SLC2A9: variants seen among roughly 807,000 people sequenced by gnomAD.
SLC2A9 encodes the protein solute carrier family 2 member 9.
A neutral mutation model predicts 50.6 loss-of-function variants in SLC2A9; 39 were observed. That is an observed-to-expected ratio of 0.77 (90% CI 0.60 to 1.01). The LOEUF (loss-of-function observed/expected upper bound fraction) is 1.01. SLC2A9 is among the 50% of genes least tolerant of loss of function. SLC2A9 has a pLI of 0.00. For synonymous variants in SLC2A9, 324 were observed against 276.9 expected, an observed-to-expected ratio of 1.17 and a Z score of -1.69; for missense variants, 686 against 677.6, an observed-to-expected ratio of 1.01 and a Z score of -0.14.
At chr4:10,001,786 T>A (rs1398358522) in intron 2 of SLC2A9, among the ~76,000 whole-genome samples, 3 of 152,354 alleles carry the variant, frequency 2.0e-5, no homozygotes, top group African/African-American at 7.2e-5. Flanking sequence ...TGTCCTCTAT[T>A]GGACATTTAT....
chr4:9,833,579 T>C (rs1464670224), intron 11 of SLC2A9, among the ~76,000 whole-genome samples: 2 of 152,162 alleles, frequency 1.3e-5, no homozygotes, highest in Non-Finnish European at 2.9e-5. Context: ...ACAGAGCAAC[T>C]GCTCCGTAAC....
intron 3 of SLC2A9, chr4:9,783,811 TTG>T: frequency 4.4e-6 from 1 of 229,112 alleles, no homozygotes; most frequent in East Asian, 1.1e-4. Context: ...AGTCACTTGT[TTG>T]TGTTTGAATT....
chr4:10,039,202 T>C (rs372781573), intron 1 of SLC2A9, among the ~76,000 whole-genome samples: 1 of 152,244 alleles, frequency 6.6e-6, no homozygotes. Flanking sequence ...AGAACTGCCT[T>C]ACTCAGAACT....
chr4:9,963,574 C>T (rs1752610844), intron 5 of SLC2A9, among the ~76,000 whole-genome samples: 1 of 152,158 alleles, frequency 6.6e-6, no homozygotes, highest in South Asian at 2.1e-4. Context: ...GAGAGGAGTA[C>T]TGTTTGTGGG....
intron 8 of SLC2A9, among the ~76,000 whole-genome samples, chr4:9,894,408 A>AAAT (rs1047131688): frequency 1.7e-4 from 26 of 152,348 alleles, no homozygotes; most frequent in African/African-American, 6.0e-4. Flanking sequence ...ATATATGCAG[A>AAAT]AATAGTTTAT....
intron 9 of SLC2A9, among the ~76,000 whole-genome samples, chr4:9,889,166 G>A (rs1296438935): frequency 1.3e-5 from 2 of 152,138 alleles, no homozygotes; most frequent in South Asian, 2.1e-4. Flanking sequence ...AGCAAGGGGA[G>A]GCTTCCTGCA....
intron 3 of SLC2A9, among the ~76,000 whole-genome samples, chr4:9,996,448 G>A (rs933037677): frequency 6.6e-6 from 1 of 152,150 alleles, no homozygotes; most frequent in African/African-American, 2.4e-5. Context: ...TTTCACATGG[G>A]TGTGACCAGT....
intron 2 of SLC2A9, among the ~76,000 whole-genome samples, chr4:9,998,613 C>T (rs948932780): frequency 2.0e-5 from 3 of 152,134 alleles, no homozygotes; most frequent in Non-Finnish European, 4.4e-5. Flanking sequence ...ATGGAAGATG[C>T]CTGTAGCCTA....
At chr4:9,819,383 T>A (rs1449920771) in intron 3 of SLC2A9, among the ~76,000 whole-genome samples, 3 of 152,340 alleles carry the variant, frequency 2.0e-5, no homozygotes, top group Non-Finnish European at 2.9e-5. Flanking sequence ...TCCAATAGGT[T>A]TGGGATATCT....
chr4:9,988,577 T>C (rs954310292), intron 3 of SLC2A9, among the ~76,000 whole-genome samples: 3 of 152,196 alleles, frequency 2.0e-5, no homozygotes, highest in Non-Finnish European at 2.9e-5. Context: ...TTAATCATTG[T>C]TTCCATTTGT....
At chr4:9,982,018 A>T (rs748676048) in intron 4 of SLC2A9, among the ~76,000 whole-genome samples, 13 of 151,818 alleles carry the variant, frequency 8.6e-5, no homozygotes, top group Non-Finnish European at 1.8e-4. Context: ...AGTAGCTGGG[A>T]TTATAGGCAT....
intron 2 of SLC2A9, among the ~76,000 whole-genome samples, chr4:10,008,547 C>T (rs1055483735): frequency 3.3e-5 from 5 of 152,218 alleles, no homozygotes; most frequent in African/African-American, 1.2e-4. Context: ...GTTAAACATC[C>T]TGGTGATGCA....
chr4:10,030,880 G>A (rs987483451), intron 1 of SLC2A9, among the ~76,000 whole-genome samples: 4 of 152,162 alleles, frequency 2.6e-5, no homozygotes, highest in Non-Finnish European at 5.9e-5. Context: ...CAGAGGTCAT[G>A]ATCAGCCCCA....
At chr4:9,834,178 C>T (rs1042405856) in intron 11 of SLC2A9, among the ~76,000 whole-genome samples, 3 of 152,210 alleles carry the variant, frequency 2.0e-5, no homozygotes, top group African/African-American at 2.4e-5. Context: ...CTCTGCGCAA[C>T]GGTCACCTCC....
chr4:9,806,591 G>A (rs375374868), intron 3 of SLC2A9, among the ~76,000 whole-genome samples: 23 of 152,256 alleles, frequency 1.5e-4, no homozygotes, highest in African/African-American at 4.6e-4. Context: ...GGGTCTCCAC[G>A]ACTGAGCTGG....
chr4:9,970,629 C>G (rs1344962569), intron 5 of SLC2A9, among the ~76,000 whole-genome samples: 1 of 151,510 alleles, frequency 6.6e-6, no homozygotes, highest in East Asian at 1.9e-4. Flanking sequence ...ATACTACATG[C>G]TATACTTGGA....
intron 7 of SLC2A9, among the ~76,000 whole-genome samples, chr4:9,911,138 T>TA (rs1456525035): frequency 6.6e-6 from 1 of 151,802 alleles, no homozygotes; most frequent in African/African-American, 2.4e-5. Context: ...TCCCAGAACT[T>TA]AAAGTATAAT....
downstream of SLC2A9, among the ~76,000 whole-genome samples, chr4:9,795,204 G>A (rs1577304937): frequency 1.3e-5 from 2 of 151,638 alleles, no homozygotes; most frequent in African/African-American, 4.8e-5. Context: ...GTATAGACAG[G>A]GTTTCACCAT....
intron 10 of SLC2A9, among the ~76,000 whole-genome samples, chr4:9,878,557 G>C (rs77851453): frequency 6.6e-6 from 1 of 152,006 alleles, no homozygotes; most frequent in African/African-American, 2.4e-5. Flanking sequence ...TCCATGCCCC[G>C]TGATGCACCC....
Sources: allele counts gnomAD v4.1 joint callset (sites outside exome capture counted in the v4.1 genomes callset), GRCh38; gene constraint gnomAD v4.1.1; transcripts MANE v1.5; gene names NCBI Gene and HGNC (gene_info 2026-07-23, HGNC 2026-07-21).